The following RNF150 variants were observed in gnomAD, a reference collection of about 807,000 sequenced individuals.
RNF150 encodes ring finger protein 150.
RNF150 carries 24 observed loss-of-function variants against 39.3 expected under a neutral mutation model. The observed-to-expected ratio is 0.61, with a 90% CI of 0.44 to 0.86. The LOEUF is 0.86. Among genes scored for constraint, RNF150 ranks in the 40% least tolerant of loss-of-function variants. The pLI is 0.00. For missense variants in RNF150, 502 were observed against 587.8 expected (o/e 0.85, Z 1.51); for synonymous variants, 255 against 227.3 (o/e 1.12, Z -1.10).
At chr4:141,144,028 A>G (rs1727162224) in intron 1 of RNF150, among the ~76,000 whole-genome samples, 1 of 152,156 alleles carries the variant, frequency 6.6e-6, no homozygotes, top group South Asian at 2.1e-4. Context: ...CTGCCACTGA[A>G]ATGGTATTTA....
At chr4:141,008,575 T>G (rs781465946) in intron 1 of RNF150, among the ~76,000 whole-genome samples, 7 of 152,216 alleles carry the variant, frequency 4.6e-5, no homozygotes, top group Non-Finnish European at 8.8e-5. Context: ...TAATCTTAGT[T>G]TTTTATATGG....
chr4:140,888,918 A>G (rs980278470), intron 6 of RNF150, among the ~76,000 whole-genome samples: 1 of 152,234 alleles, frequency 6.6e-6, no homozygotes, highest in Non-Finnish European at 1.5e-5. Flanking sequence ...TGATTATATT[A>G]ACCCATCCCA....
chr4:140,974,089 T>A (rs557009560), intron 1 of RNF150, among the ~76,000 whole-genome samples: 7 of 152,230 alleles, frequency 4.6e-5, no homozygotes, highest in Non-Finnish European at 8.8e-5. Context: ...TGTGTTTAAT[T>A]CTATGAAATT....
chr4:141,011,328 T>G (rs1460348715), intron 1 of RNF150, among the ~76,000 whole-genome samples: 1 of 152,198 alleles, frequency 6.6e-6, no homozygotes, highest in African/African-American at 2.4e-5. Flanking sequence ...GGATGAGTGG[T>G]CACTGATGAA....
At chr4:141,054,368 C>T (rs1736889320) in intron 1 of RNF150, among the ~76,000 whole-genome samples, 1 of 152,038 alleles carries the variant, frequency 6.6e-6, no homozygotes, top group South Asian at 2.1e-4. Context: ...CGACTATTTC[C>T]TGTAGATTAA....
At chr4:141,112,665 T>G (rs12506394) in intron 1 of RNF150, among the ~76,000 whole-genome samples, 115,269 of 151,950 alleles carry the variant, frequency 0.76, 45,048 homozygotes, top group East Asian at 0.88. Flanking sequence ...CATTTTTTCC[T>G]TCATTTCAAC....
At chr4:141,176,147 C>T (rs1334618148) in intron 1 of RNF150, among the ~76,000 whole-genome samples, 2 of 151,992 alleles carry the variant, frequency 1.3e-5, no homozygotes, top group African/African-American at 2.4e-5. Flanking sequence ...ATCCACCTGC[C>T]TCAGTCTCCC....
intron 1 of RNF150, among the ~76,000 whole-genome samples, chr4:141,115,021 C>A (rs1739505421): frequency 6.6e-6 from 1 of 152,136 alleles, no homozygotes. Flanking sequence ...TTATGACAAA[C>A]CCACAGCCAA....
At chr4:140,925,407 C>T (rs1731353431) in intron 5 of RNF150, among the ~76,000 whole-genome samples, 2 of 152,146 alleles carry the variant, frequency 1.3e-5, no homozygotes, top group African/African-American at 2.4e-5. Flanking sequence ...TGGGGGAACC[C>T]GTTAAATTGA....
rs1452666458 is a variant in RNF150, at chr4:141,000,016, A to C, written c.485-32143T>G. Reference sequence around the variant, plus strand: ...GAAAAGAAGAAGAAGAAGAAGAAGAAGAAGAAGAAGAAGAAGAAGAAGAAG... The same window carrying C: ...GAAAAGAAGAAGAAGAAGAAGAAGACGAAGAAGAAGAAGAAGAAGAAGAAG... On this transcript the variant is annotated intron_variant, in intron 1 of 6. Coordinates refer to ENST00000515673, the MANE Select transcript of RNF150 (RefSeq NM_020724.2). Among the ~76,000 whole-genome samples the C allele has an allele frequency of 5.0e-4, 20 of 39,972 alleles. No homozygotes were observed. In the East Asian group the frequency reaches 0.01, roughly 21 times the overall value. 26.2% of individuals were successfully genotyped at this position (39,972 alleles called of 152,430 possible). A position where few individuals can be genotyped will look rare whatever the true frequency, so the allele number is the denominator to read the frequency against.
At chr4:141,200,858 C>T (rs1290289903) in intron 1 of RNF150, among the ~76,000 whole-genome samples, 1 of 152,118 alleles carries the variant, frequency 6.6e-6, no homozygotes, top group Non-Finnish European at 1.5e-5. Flanking sequence ...ACCATTGACC[C>T]TCAAATAAGT....
In RNF150 at chr4:141,139,600, T is replaced by A. The variant is rs147460246; in HGVS notation, c.-6+73194A>T. Among the ~76,000 whole-genome samples, 313 of 152,344 alleles carry A rather than the reference T, an allele frequency of 2.1e-3. 3 individuals are homozygous for A. Among genetic ancestry groups the A allele is most frequent in the South Asian group, 0.018 (87 of 4,828 alleles). ...GTGTCTGGCCCATAGAAGGCATCAG[T>A]AAATGTGTTGAATAATAAATAGTAA... On this transcript the variant is annotated intron_variant, in intron 1 of 7. Coordinates refer to the RNF150 transcript ENST00000420921.
intron 6 of RNF150, among the ~76,000 whole-genome samples, chr4:140,889,525 T>C (rs945834880): frequency 6.6e-6 from 1 of 152,256 alleles, no homozygotes; most frequent in African/African-American, 2.4e-5. Flanking sequence ...AAATGCTTCA[T>C]CTGGGTTTGG....
At chr4:141,188,283 T>A (rs1312241483) in intron 1 of RNF150, among the ~76,000 whole-genome samples, 1 of 152,194 alleles carries the variant, frequency 6.6e-6, no homozygotes, top group Non-Finnish European at 1.5e-5. Context: ...CTTAACATTT[T>A]TTCCTTCGTT....
At chr4:140,969,657 G>T (rs2111428552) in intron 1 of RNF150, among the ~76,000 whole-genome samples, 1 of 150,882 alleles carries the variant, frequency 6.6e-6, no homozygotes, top group Non-Finnish European at 1.5e-5. Context: ...TATTATTTTG[G>T]CATGTTTACT....
intron 1 of RNF150, among the ~76,000 whole-genome samples, chr4:141,097,686 T>C (rs1384749033): frequency 1.3e-5 from 2 of 152,206 alleles, no homozygotes; most frequent in East Asian, 3.8e-4. Flanking sequence ...TGATTAATAA[T>C]GAGGATAGCC....
At chr4:141,004,467 A>G (rs942260001) in intron 1 of RNF150, among the ~76,000 whole-genome samples, 10 of 152,194 alleles carry the variant, frequency 6.6e-5, no homozygotes, top group African/African-American at 2.4e-4. Context: ...GCAGGAAATT[A>G]TAACCTCTCG....
chr4:141,063,738 C>T (rs1375964882), intron 1 of RNF150, among the ~76,000 whole-genome samples: 1 of 152,094 alleles, frequency 6.6e-6, no homozygotes, highest in Non-Finnish European at 1.5e-5. Context: ...TTATGCTAGA[C>T]TCTCGGGATA....
At chr4:141,050,076 T>C (rs1578670766) in intron 1 of RNF150, among the ~76,000 whole-genome samples, 1 of 152,064 alleles carries the variant, frequency 6.6e-6, no homozygotes, top group East Asian at 1.9e-4. Context: ...ATTTATAAAA[T>C]AGCAAAAGAA....
Sources: gnomAD v4.1 joint callset for allele counts (sites outside exome capture counted in the v4.1 genomes callset) on GRCh38, gnomAD v4.1.1 for gene constraint, MANE v1.5 for transcripts, NCBI Gene and HGNC (gene_info 2026-07-23, HGNC 2026-07-21) for gene names.